BAZ2B: variants seen among roughly 807,000 people sequenced by gnomAD.
BAZ2B encodes the protein bromodomain adjacent to zinc finger domain 2B.
A neutral mutation model predicts 246.0 loss-of-function variants in BAZ2B; 91 were observed. The ratio of observed to expected loss-of-function variants is 0.37; its 90% CI spans 0.31 to 0.44. BAZ2B has a LOEUF of 0.44. Ranked by LOEUF, BAZ2B falls within the 20% of genes least tolerant of loss-of-function variation. The pLI is 1.00. For missense variants in BAZ2B, 2,332 were observed against 2,533.7 expected, an observed-to-expected ratio of 0.92 and a Z score of 1.71; for synonymous variants, 855 against 860.0, an observed-to-expected ratio of 0.99 and a Z score of 0.10.
intron 6 of BAZ2B, among the ~76,000 whole-genome samples, chr2:159,445,790 G>A (rs769682589): frequency 5.9e-5 from 9 of 152,100 alleles, no homozygotes; most frequent in African/African-American, 1.7e-4. Context: ...CAGCCACAGC[G>A]TAAGAAAAAG....
chr2:159,704,425 CAG>C, the BAZ2B span, among the ~76,000 whole-genome samples: 3 of 151,602 alleles, frequency 2.0e-5, no homozygotes, highest in Admixed American at 1.3e-4. Context: ...CTGGAGGACA[CAG>C]AGTTACCATT....
rs371568978 is a variant in BAZ2B at position 159,382,599 on chromosome 2, T to G, written c.3965A>C (p.Glu1322Ala). The change falls in exon 25 of 37, where the codon GAA becomes GCA. Residue 1322 changes from glutamate to alanine, a missense_variant. Glu to Ala is a moderately radical substitution (Grantham distance 107). Transcript: ENST00000392783. ...DEDDEDEEDK[E>A]DKKGKKTDIC... is the part of the protein sequence containing the mutation. ...ATCAGTCTTTTTTCCTTTTTTGTCT[T>G]CTTTATCTTCTTCATCCTCATCATC... The G allele has an allele frequency of 4.5e-6, 7 of 1,554,690 alleles. No homozygotes were observed. The highest frequency in any genetic ancestry group is 6.1e-6 in the Non-Finnish European group (7 of 1,147,930).
chr2:159,331,366 T>A (rs2064739074), intron 34 of BAZ2B, among the ~76,000 whole-genome samples: 1 of 152,058 alleles, frequency 6.6e-6, no homozygotes, highest in Non-Finnish European at 1.5e-5. Context: ...TAACACCTTA[T>A]TTATTTATTT....
intron 20 of BAZ2B, among the ~76,000 whole-genome samples, chr2:159,390,734 T>C (rs1285984454): frequency 6.6e-6 from 1 of 152,036 alleles, no homozygotes; most frequent in Non-Finnish European, 1.5e-5. Context: ...AGTTGAATAG[T>C]TGCTGAATAT....
At chr2:159,627,100 G>A in the BAZ2B span, among the ~76,000 whole-genome samples, 16 of 151,908 alleles carry the variant, frequency 1.1e-4, no homozygotes, top group East Asian at 3.9e-4. Context: ...CACATACACC[G>A]TCCCAAGTCT....
At position 159,337,758 on chromosome 2, in the gene BAZ2B, T is replaced by C; in HGVS notation, c.5469A>G (p.Pro1823=). 2 of 1,613,992 alleles carry C rather than the reference T, an allele frequency of 1.2e-6. No homozygotes were observed. Among genetic ancestry groups the C allele is most frequent in the Non-Finnish European group, 1.7e-6 (2 of 1,179,858 alleles). ...ASLQVKGWMC[P]EPASEREDLV... ...AGTCCTCCCTTTCTGATGCAGGCTC[T>C]GGACACATCCAACCCTATATATCAA... is the stretch of plus-strand genomic sequence containing the variant. Residue 1823 remains proline (P), a synonymous_variant, in exon 32 of 37, where the codon CCA becomes CCG. Transcript: ENST00000392783.
At chr2:159,378,355 T>G (rs548236366) in intron 25 of BAZ2B, among the ~76,000 whole-genome samples, 1 of 152,338 alleles carries the variant, frequency 6.6e-6, no homozygotes, top group African/African-American at 2.4e-5. Flanking sequence ...TAGTCTCATT[T>G]TCAGATTGGT....
chr2:159,687,984 T>G, the BAZ2B span, among the ~76,000 whole-genome samples: 18 of 152,206 alleles, frequency 1.2e-4, no homozygotes, highest in African/African-American at 3.4e-4. Context: ...GGACAAATTT[T>G]TTCTTTTATC....
Position 159,405,070 on chromosome 2 carries a change from G to T in BAZ2B, c.2722C>A (p.Gln908Lys). The T allele has an allele frequency of 3.1e-6, 5 of 1,613,984 alleles. No homozygotes were observed. The highest frequency in any genetic ancestry group is 2.5e-6 in the Non-Finnish European group (3 of 1,179,950). The change falls in exon 15 of 37, where the codon CAA (glutamine) becomes AAA (lysine). Residue 908 changes from glutamine (Q) to lysine (K), a missense_variant. By Grantham distance (53) the Gln-to-Lys change is moderately conservative. This residue lies in a region of BAZ2B where 651 missense variants were observed against 650.9 expected (regional missense o/e 1.00). Coordinates refer to ENST00000392783, the MANE Select transcript of BAZ2B (RefSeq NM_013450.4). ...AAQIKLLRKLQKQEQARVAKE... is the reference protein window; with the variant it reads ...AAQIKLLRKLKKQEQARVAKE... The stretch of plus-strand genomic sequence containing the variant: ...GCAACCCGAGCCTGTTCCTGCTTTT[G>T]AAGTTTTCTCAAAAGCTTTATTTGT...
At chr2:159,532,163 T>A (rs1031659515) in intron 2 of BAZ2B, among the ~76,000 whole-genome samples, 4 of 152,172 alleles carry the variant, frequency 2.6e-5, no homozygotes, top group African/African-American at 7.2e-5. Flanking sequence ...TGATAACATT[T>A]CTAGTTTTGT....
the BAZ2B span, among the ~76,000 whole-genome samples, chr2:159,621,610 C>T: frequency 3.3e-5 from 5 of 152,094 alleles, no homozygotes; most frequent in African/African-American, 1.2e-4. Flanking sequence ...GACCCAAGTA[C>T]ATATGGAAAT....
intron 23 of BAZ2B, among the ~76,000 whole-genome samples, chr2:159,384,084 A>G (rs1213609465): frequency 6.6e-6 from 1 of 152,078 alleles, no homozygotes; most frequent in Non-Finnish European, 1.5e-5. Context: ...ATATGCATAT[A>G]CACTAAGTGT....
At chr2:159,676,185 G>A in the BAZ2B span, among the ~76,000 whole-genome samples, 69,316 of 144,788 alleles carry the variant, frequency 0.48, 16,693 homozygotes, top group Middle Eastern at 0.67. Context: ...GAGCCACCAC[G>A]CCTGGCCTAG....
At chr2:159,478,749 A>G in intron 2 of BAZ2B, 28 bp from the exon 3 acceptor site, 1 of 1,409,502 alleles carries the variant, frequency 7.1e-7, no homozygotes, top group Non-Finnish European at 9.3e-7. Context: ...GTTAATTCTC[A>G]GTATCAGATA....
intron 13 of BAZ2B, among the ~76,000 whole-genome samples, chr2:159,423,897 T>C (rs867858001): frequency 6.6e-5 from 10 of 152,082 alleles, no homozygotes; most frequent in Admixed American, 2.0e-4. Flanking sequence ...GGGCTGAAGG[T>C]TGAAAAACTA....
chr2:159,374,202 T>A lies in BAZ2B; in HGVS notation c.4068+489A>T, dbSNP rs1202249479. Among the ~76,000 whole-genome samples, 3 of 151,914 alleles carry A rather than the reference T, an allele frequency of 2.0e-5. No homozygotes were observed. In the East Asian group the frequency reaches 5.8e-4, roughly 29 times the overall value. On this transcript the variant is annotated intron_variant, in intron 26 of 36. Coordinates refer to ENST00000392783, the MANE Select transcript of BAZ2B (RefSeq NM_013450.4). ...TGGGATTACAGGCGTAAACCACTTC[T>A]GAAATGGAATTTTTAACAAGATGTA...
chr2:159,561,547 T>C (rs926174191), intron 1 of BAZ2B, among the ~76,000 whole-genome samples: 1 of 152,250 alleles, frequency 6.6e-6, no homozygotes. Flanking sequence ...ATGTGGTTAC[T>C]GAGCACTTGT....
chr2:159,348,923 G>C, intron 29 of BAZ2B, 84 bp downstream of exon 29: 1 of 1,551,064 alleles, frequency 6.4e-7, no homozygotes, highest in East Asian at 2.3e-5. Context: ...ACTATATATA[G>C]AACCATCAAA....
chr2:159,684,557 A>G, the BAZ2B span, among the ~76,000 whole-genome samples: 5 of 152,228 alleles, frequency 3.3e-5, no homozygotes, highest in Non-Finnish European at 5.9e-5. Flanking sequence ...GCTGGAGTGC[A>G]GTGGTGCAAT....
Sources: allele counts gnomAD v4.1 joint callset (sites outside exome capture counted in the v4.1 genomes callset), GRCh38; gene constraint gnomAD v4.1.1; regional missense constraint gnomAD v4.1.1; transcripts MANE v1.5; gene names NCBI Gene and HGNC (gene_info 2026-07-23, HGNC 2026-07-21).